ADAMTS12: variants seen among roughly 807,000 people sequenced by gnomAD.
ADAMTS12 encodes the protein ADAM metallopeptidase with thrombospondin type 1 motif 12, also known as A disintegrin and metalloproteinase with thrombospondin motifs 12.
In ADAMTS12, 118 loss-of-function variants were observed where a neutral mutation model predicts 167.8. The observed-to-expected ratio is 0.70, with a 90% CI of 0.61 to 0.82. ADAMTS12 has a LOEUF of 0.82. Ranked by LOEUF, ADAMTS12 falls within the 40% of genes least tolerant of loss-of-function variation. The pLI, the probability that ADAMTS12 is intolerant of heterozygous loss-of-function variation, is 0.00. For synonymous variants in ADAMTS12, 704 were observed against 716.9 expected, an observed-to-expected ratio of 0.98 and a Z score of 0.29; for missense variants, 1,916 against 1,998.8, an observed-to-expected ratio of 0.96 and a Z score of 0.79.
At chr5:33,671,199 G>C (rs1029487885) in intron 5 of ADAMTS12, among the ~76,000 whole-genome samples, 4 of 152,198 alleles carry the variant, frequency 2.6e-5, no homozygotes, top group Non-Finnish European at 4.4e-5. Flanking sequence ...TGAAAGGGTA[G>C]CACAAGGGAT....
chr5:33,596,506 A>C (rs1561155937), intron 16 of ADAMTS12, among the ~76,000 whole-genome samples: 2 of 152,034 alleles, frequency 1.3e-5, no homozygotes, highest in Non-Finnish European at 2.9e-5. Context: ...AAATGGTGAA[A>C]CCCCATCTCT....
At chr5:33,586,304 C>A (rs1747348507) in intron 18 of ADAMTS12, among the ~76,000 whole-genome samples, 1 of 152,186 alleles carries the variant, frequency 6.6e-6, no homozygotes, top group Non-Finnish European at 1.5e-5. Flanking sequence ...AGTAAGAGAG[C>A]AGATAGAAGA....
At chr5:33,642,026 A>G in intron 10 of ADAMTS12, 71 bp from the exon 11 acceptor site, 5 of 1,463,710 alleles carry the variant, frequency 3.4e-6, no homozygotes, top group Non-Finnish European at 4.6e-6. Context: ...AAGAGCCCTA[A>G]AAGTCTAAAC....
chr5:33,684,072 A>T lies in ADAMTS12; in HGVS notation c.635-17T>A. On this transcript the variant is annotated splice_polypyrimidine_tract_variant and intron_variant, in intron 3 of 23. Transcript: ENST00000504830. ...TAACACTGTCTAAACAGTAAACAGAAGACAATGGTCTAACACTGTATATGT... is the reference window on the plus strand; with the variant it reads ...TAACACTGTCTAAACAGTAAACAGATGACAATGGTCTAACACTGTATATGT... 1 of 1,537,060 alleles carries T rather than the reference A, an allele frequency of 6.5e-7. No individual in the cohort carries two copies. The highest frequency in any genetic ancestry group is 8.8e-7 in the Non-Finnish European group (1 of 1,142,016).
chr5:33,548,010 A>T (rs1457792293), intron 21 of ADAMTS12, among the ~76,000 whole-genome samples: 2 of 152,182 alleles, frequency 1.3e-5, no homozygotes, highest in Non-Finnish European at 2.9e-5. Flanking sequence ...CTGCTGCCCC[A>T]GAAAACTCTA....
At chr5:33,651,870 C>G (rs1740877943) in intron 7 of ADAMTS12, among the ~76,000 whole-genome samples, 2 of 152,120 alleles carry the variant, frequency 1.3e-5, no homozygotes, top group South Asian at 4.1e-4. Flanking sequence ...TTGTTTAGCT[C>G]CCACTTGTAA....
Position 33,577,045 on chromosome 5 carries a change from T to C in ADAMTS12, c.2981A>G (p.Gln994Arg), listed in dbSNP as rs1746776912. Residue 994 changes from glutamine to arginine, a missense_variant, in exon 19 of 24, where the codon CAG (glutamine) becomes CGG (arginine). Gln to Arg is a conservative substitution (Grantham distance 43). Coordinates refer to ENST00000504830, the MANE Select transcript of ADAMTS12 (RefSeq NM_030955.4). The part of the protein sequence containing the change: ...KPNSRALCGL[Q>R]QCPSSRRVLK... ...AACTCTCCGGCTAGAAGGGCATTGC[T>C]GGAGGCCACACAGAGCTCGGCTGTT... The C allele has an allele frequency of 6.2e-7, 1 of 1,614,106 alleles. No homozygotes were observed. The highest frequency in any genetic ancestry group is 1.3e-5 in the African/African-American group (1 of 74,940).
chr5:33,590,895 T>C (rs958189281), intron 17 of ADAMTS12, among the ~76,000 whole-genome samples: 1 of 134,452 alleles, frequency 7.4e-6, no homozygotes, highest in South Asian at 2.6e-4. Flanking sequence ...CATCTTCTTC[T>C]TCCTTTTTTT....
At chr5:33,566,646 T>A (rs1746030681) in intron 19 of ADAMTS12, among the ~76,000 whole-genome samples, 1 of 152,184 alleles carries the variant, frequency 6.6e-6, no homozygotes. Flanking sequence ...TGCAATAACC[T>A]CCCAATAGGT....
intron 3 of ADAMTS12, among the ~76,000 whole-genome samples, chr5:33,690,735 A>G (rs1259819651): frequency 6.6e-6 from 1 of 152,058 alleles, no homozygotes; most frequent in Non-Finnish European, 1.5e-5. Flanking sequence ...TATTAAATAT[A>G]ATAATGGATT....
At chr5:33,796,740 G>A (rs989403539) in intron 2 of ADAMTS12, among the ~76,000 whole-genome samples, 3 of 152,160 alleles carry the variant, frequency 2.0e-5, no homozygotes, top group African/African-American at 7.2e-5. Flanking sequence ...CAAGCCTATG[G>A]CAACCTGGAT....
At chr5:33,746,020 C>A (rs1744769822) in intron 3 of ADAMTS12, among the ~76,000 whole-genome samples, 1 of 152,110 alleles carries the variant, frequency 6.6e-6, no homozygotes, top group Non-Finnish European at 1.5e-5. Flanking sequence ...GCACATGCCA[C>A]CCCTCCAAAA....
In ADAMTS12 at chr5:33,881,460, G is replaced by A. The variant is rs776446723; in HGVS notation, c.148C>T (p.Pro50Ser). 5.6e-6 allele frequency: 9 copies of A among 1,612,812 alleles called. No homozygotes were observed. The highest frequency in any genetic ancestry group is 1.7e-4 in the Middle Eastern group (1 of 6,056). Residue 50 changes from proline to serine, a missense_variant, in exon 2 of 24, where the codon CCA becomes TCA. Transcript: ENST00000504830. ...RRQEHFIKGL[P>S]EYHVVGPVRV... Reference sequence around the variant, plus strand: ...ACTGGACCCACCACGTGGTATTCTGGCAGGCCCTTGATAAAATGCTCTGAA... The same window carrying A: ...ACTGGACCCACCACGTGGTATTCTGACAGGCCCTTGATAAAATGCTCTGAA...
intron 5 of ADAMTS12, among the ~76,000 whole-genome samples, chr5:33,669,719 A>G (rs1741602521): frequency 6.6e-6 from 1 of 152,126 alleles, no homozygotes; most frequent in Admixed American, 6.6e-5. Flanking sequence ...CAGATAATAA[A>G]GCATTATTTG....
chr5:33,696,814 G>A (rs1034688525), intron 3 of ADAMTS12, among the ~76,000 whole-genome samples: 1 of 152,152 alleles, frequency 6.6e-6, no homozygotes, highest in African/African-American at 2.4e-5. Flanking sequence ...ACCAGTCTTG[G>A]CTTCACCTAT....
chr5:33,815,428 G>A (rs1747613893), intron 2 of ADAMTS12, among the ~76,000 whole-genome samples: 1 of 152,224 alleles, frequency 6.6e-6, no homozygotes, highest in Non-Finnish European at 1.5e-5. Flanking sequence ...GCCGTGTGAA[G>A]ATGCAGCAAG....
intron 6 of ADAMTS12, among the ~76,000 whole-genome samples, chr5:33,660,679 G>A (rs911529460): frequency 2.6e-5 from 4 of 152,194 alleles, no homozygotes; most frequent in South Asian, 2.1e-4. Context: ...TCAGGTCCTC[G>A]GTGTCCCCAG....
intron 2 of ADAMTS12, among the ~76,000 whole-genome samples, chr5:33,880,509 T>C (rs1750390946): frequency 6.6e-6 from 1 of 152,230 alleles, no homozygotes; most frequent in Admixed American, 6.5e-5. Context: ...TGCCTTTCAA[T>C]AAAACTTTAT....
At chr5:33,867,440 T>C (rs1230220914) in intron 2 of ADAMTS12, among the ~76,000 whole-genome samples, 6 of 152,110 alleles carry the variant, frequency 3.9e-5, no homozygotes, top group Non-Finnish European at 7.4e-5. Context: ...AGTGGTATCA[T>C]GGACTTTGGA....
Sources: allele counts gnomAD v4.1 joint callset (sites outside exome capture counted in the v4.1 genomes callset), GRCh38; gene constraint gnomAD v4.1.1; transcripts MANE v1.5; gene names NCBI Gene and HGNC (gene_info 2026-07-23, HGNC 2026-07-21).